The following SFTPD variants were observed in gnomAD, a reference collection of about 807,000 sequenced individuals.
The protein encoded by SFTPD is surfactant protein D.
SFTPD carries 18 observed loss-of-function variants against 34.6 expected under a neutral mutation model. The observed-to-expected ratio is 0.52, with a 90% CI of 0.36 to 0.77. The LOEUF (loss-of-function observed/expected upper bound fraction) is 0.77. Ranked by LOEUF, SFTPD falls within the 30% of genes least tolerant of loss-of-function variation. SFTPD has a pLI of 0.00. For synonymous variants in SFTPD, 155 were observed against 180.9 expected, an observed-to-expected ratio of 0.86 and a Z score of 1.15; for missense variants, 433 against 468.9, an observed-to-expected ratio of 0.92 and a Z score of 0.71.
intron 1 of SFTPD, among the ~76,000 whole-genome samples, chr10:79,978,651 CAAAAAAAAAAAA>C (rs58759979): frequency 4.2e-4 from 22 of 51,978 alleles, no homozygotes; most frequent in Middle Eastern, 0.015. Flanking sequence ...CACCCTGTCT[CAAAAAAAAAAAA>C]AAAAAAAAAA....
intron 1 of SFTPD, among the ~76,000 whole-genome samples, chr10:79,956,110 T>C (rs1215193100): frequency 6.7e-6 from 1 of 150,146 alleles, no homozygotes; most frequent in Non-Finnish European, 1.5e-5. Flanking sequence ...AAATGATTTA[T>C]ATATTTATTG....
chr10:79,977,308 T>C (rs942877154), intron 1 of SFTPD, among the ~76,000 whole-genome samples: 15 of 152,362 alleles, frequency 9.8e-5, no homozygotes, highest in African/African-American at 3.6e-4. Flanking sequence ...ATTGGTGCTC[T>C]GCTCACAAAC....
intron 1 of SFTPD, among the ~76,000 whole-genome samples, chr10:79,947,901 T>C (rs1842681624): frequency 6.6e-6 from 1 of 152,138 alleles, no homozygotes; most frequent in Non-Finnish European, 1.5e-5. Context: ...CGTAAAGTTA[T>C]GAGAGTGAAA....
intron 7 of SFTPD, among the ~76,000 whole-genome samples, chr10:79,940,488 C>A (rs1842599790): frequency 6.6e-6 from 1 of 152,136 alleles, no homozygotes; most frequent in South Asian, 2.1e-4. Context: ...CAGGTGGCTG[C>A]CCTCTTCTAG....
chr10:79,940,927 A>T (rs954855862), intron 6 of SFTPD, 139 bp from the exon 7 acceptor site: 2 of 614,440 alleles, frequency 3.3e-6, no homozygotes, highest in African/African-American at 3.7e-5. Context: ...ATCTACTGAC[A>T]CAGCTGGCCT....
intron 1 of SFTPD, among the ~76,000 whole-genome samples, chr10:79,959,213 C>T (rs199819233): frequency 6.7e-6 from 1 of 149,834 alleles, no homozygotes; most frequent in Non-Finnish European, 1.5e-5. Context: ...AAATTGACAC[C>T]CTAACGTCAC....
At position 79,937,840 on chromosome 10, in the gene SFTPD, A is replaced by T; in HGVS notation, c.*12T>A. On this transcript the variant is annotated 3_prime_UTR_variant, in exon 8 of 8. Coordinates refer to ENST00000372292, the MANE Select transcript of SFTPD (RefSeq NM_003019.5). The stretch of plus-strand genomic sequence containing the variant: ...TCCTGGGCCAAGCACTGCCCCACCC[A>T]CCCCAGTTGGCTCAGAACTCGCAGA... 6.5e-7 allele frequency: 1 copy of T among 1,527,874 alleles called. No individual in the cohort carries two copies. Among genetic ancestry groups the T allele is most frequent in the Non-Finnish European group, 8.8e-7 (1 of 1,134,186 alleles). The allele number at this position is 1,527,874 out of a possible 1,614,324, so 94.6% of individuals were successfully genotyped here.
At chr10:79,951,352 G>T (rs1370568645), upstream of SFTPD, among the ~76,000 whole-genome samples, 3 of 152,082 alleles carry the variant, frequency 2.0e-5, no homozygotes, top group East Asian at 5.8e-4. Flanking sequence ...ATTTGAATGG[G>T]ATTTTTTCCC....
intron 1 of SFTPD, among the ~76,000 whole-genome samples, chr10:79,957,294 G>C (rs1322860554): frequency 1.3e-5 from 2 of 152,202 alleles, no homozygotes; most frequent in Non-Finnish European, 2.9e-5. Context: ...GAACAAAGCT[G>C]GACGGAGAAT....
chr10:79,976,327 C>G (rs1564536437), intron 1 of SFTPD, among the ~76,000 whole-genome samples: 1 of 152,156 alleles, frequency 6.6e-6, no homozygotes, highest in Non-Finnish European at 1.5e-5. Context: ...CCAAAGAAGC[C>G]TGAGATCCAG....
chr10:79,945,763 A>T (rs1272134361), intron 2 of SFTPD, among the ~76,000 whole-genome samples: 3 of 152,174 alleles, frequency 2.0e-5, no homozygotes, highest in Non-Finnish European at 4.4e-5. Flanking sequence ...AAACAGACTC[A>T]GTGACACTGA....
At chr10:79,964,088 G>GC (rs1433059345) in intron 1 of SFTPD, among the ~76,000 whole-genome samples, 1 of 151,942 alleles carries the variant, frequency 6.6e-6, no homozygotes, top group Non-Finnish European at 1.5e-5. Flanking sequence ...CTACCACTCT[G>GC]CCCCCCTCCA....
At chr10:79,973,921 C>G (rs1316615988) in intron 1 of SFTPD, among the ~76,000 whole-genome samples, 1 of 152,158 alleles carries the variant, frequency 6.6e-6, no homozygotes, top group Non-Finnish European at 1.5e-5. Context: ...CCAGAAAATT[C>G]TAAACTCATT....
intron 7 of SFTPD, among the ~76,000 whole-genome samples, chr10:79,939,648 T>C (rs1287446940): frequency 2.0e-5 from 3 of 152,248 alleles, no homozygotes; most frequent in African/African-American, 2.4e-5. Flanking sequence ...TTTCTGTCAC[T>C]GTGCCTCTGA....
At chr10:79,955,238 A>G (rs1350494451) in intron 1 of SFTPD, among the ~76,000 whole-genome samples, 1 of 152,106 alleles carries the variant, frequency 6.6e-6, no homozygotes, top group Non-Finnish European at 1.5e-5. Context: ...AATGTTTTAT[A>G]AAGGCATTTT....
At chr10:79,958,355 C>A (rs1842752111) in intron 1 of SFTPD, among the ~76,000 whole-genome samples, 1 of 152,146 alleles carries the variant, frequency 6.6e-6, no homozygotes, top group South Asian at 2.1e-4. Context: ...CACAGACTGG[C>A]AAATTGGATA....
At position 79,942,967 on chromosome 10, in the gene SFTPD, AG is replaced by A. The variant is rs1274571681; in HGVS notation, c.200-89del. 5 of 809,888 alleles carry A rather than the reference AG, an allele frequency of 6.2e-6. No individual in the cohort carries two copies. The South Asian group carries it at 7.3e-5, about 12-fold the overall frequency. 50.2% of individuals were successfully genotyped at this position (809,888 alleles called of 1,614,324 possible). ...CAGGATCAGCCCCTAGCATTCCTTT[AG>A]GATTCTGCAGAGCATGAGACTTCCA... is the stretch of plus-strand genomic sequence containing the variant. On this transcript the variant is annotated intron_variant, in intron 2 of 7. Transcript: ENST00000372292.
intron 1 of SFTPD, among the ~76,000 whole-genome samples, chr10:79,963,454 A>G (rs898127752): frequency 4.6e-5 from 7 of 152,128 alleles, no homozygotes; most frequent in Non-Finnish European, 8.8e-5. Flanking sequence ...TATGTTATCT[A>G]TTTCAACCAA....
At chr10:79,955,130 C>G (rs1238239092) in intron 1 of SFTPD, among the ~76,000 whole-genome samples, 1 of 152,142 alleles carries the variant, frequency 6.6e-6, no homozygotes, top group Non-Finnish European at 1.5e-5. Flanking sequence ...TGTCTTTTCT[C>G]ATTCCTTTGA....
Sources: gnomAD v4.1 joint callset for allele counts (sites outside exome capture counted in the v4.1 genomes callset) on GRCh38, gnomAD v4.1.1 for gene constraint, MANE v1.5 for transcripts, NCBI Gene and HGNC (gene_info 2026-07-23, HGNC 2026-07-21) for gene names.